DDX59: variants seen among roughly 807,000 people sequenced by gnomAD.
DDX59 encodes the protein probable ATP-dependent RNA helicase DDX59.
Under a neutral mutation model 51.9 loss-of-function variants are expected in DDX59, and 30 were observed. The ratio of observed to expected loss-of-function variants is 0.58; its 90% CI spans 0.43 to 0.78. The LOEUF (loss-of-function observed/expected upper bound fraction) is 0.78, where lower values mean the gene tolerates loss of function less well. DDX59 is among the 30% of genes least tolerant of loss of function. The pLI is 0.00. For missense variants in DDX59, 672 were observed against 730.8 expected, an observed-to-expected ratio of 0.92 and a Z score of 0.93; for synonymous variants, 255 against 253.3, an observed-to-expected ratio of 1.01 and a Z score of -0.06.
chr1:200,665,497 G>A (rs114238836), intron 2 of DDX59, among the ~76,000 whole-genome samples: 16,443 of 146,910 alleles, frequency 0.11, 1,421 homozygotes, highest in East Asian at 0.41. Flanking sequence ...AAAAGAAAAA[G>A]AAAAAGAAAA....
At chr1:200,654,235 A>C (rs1161007164) in intron 4 of DDX59, among the ~76,000 whole-genome samples, 3 of 152,086 alleles carry the variant, frequency 2.0e-5, no homozygotes, top group African/African-American at 4.8e-5. Flanking sequence ...AACACGGTGA[A>C]ATCTCATCTC....
rs1028326625 is a variant in DDX59 at position 200,645,404 on chromosome 1, A to C, written c.1597-887T>G. On this transcript the variant is annotated intron_variant, in intron 7 of 7. Coordinates refer to ENST00000331314, the MANE Select transcript of DDX59 (RefSeq NM_001031725.6). ...AGCAATTCTCTGCCTCAGCTTCCCAAGTAGCTGGGATTACAGGCACCCGCC... is the reference window on the plus strand; with the variant it reads ...AGCAATTCTCTGCCTCAGCTTCCCACGTAGCTGGGATTACAGGCACCCGCC... Among the ~76,000 whole-genome samples, 7 of 152,080 alleles carry C rather than the reference A, an allele frequency of 4.6e-5. No individual in the cohort carries two copies. In the East Asian group the frequency reaches 1.3e-3, roughly 29 times the overall value.
intron 4 of DDX59, among the ~76,000 whole-genome samples, chr1:200,652,187 C>T (rs1056345461): frequency 1.4e-4 from 22 of 151,840 alleles, no homozygotes; most frequent in African/African-American, 5.1e-4. Context: ...CAGGGTCTTG[C>T]TGTCGCACAG....
Position 200,666,006 on chromosome 1 carries a change from G to A in DDX59, c.735C>T (p.Ala245=), listed in dbSNP as rs2102928267. ...PVGLLGRDIL[A]SADTGSGKTA... is the part of the protein sequence containing the mutation. The stretch of plus-strand genomic sequence containing the variant: ...TTTTTCCTGAGCCAGTATCTGCACT[G>A]GCCAGAATGTCTCTTCCCAGAAGTC... Residue 245 remains alanine, a synonymous_variant, in exon 2 of 8, where the codon GCC becomes GCT. Transcript: ENST00000331314. 8.1e-6 allele frequency: 13 copies of A among 1,614,152 alleles called. No homozygotes were observed. The highest frequency in any genetic ancestry group is 9.3e-6 in the Non-Finnish European group (11 of 1,180,028).
Position 200,650,502 on chromosome 1 carries a change from G to A in DDX59, c.1237C>T (p.Pro413Ser), listed in dbSNP as rs1226457673. 1 of 1,614,046 alleles carries A rather than the reference G, an allele frequency of 6.2e-7. No homozygotes were observed. The highest frequency in any genetic ancestry group is 1.1e-5 in the South Asian group (1 of 91,082). Residue 413 changes from proline to serine, a missense_variant, in exon 5 of 8, where the codon CCT becomes TCT. Transcript: ENST00000331314. The part of the protein sequence containing the change: ...VRIITGEKNL[P>S]CANVRQIILW... ...ATAATCTGACGTACATTGGCACAAGGTAGGTTCTTTTCTCCAGTGATAATT... is the reference window on the plus strand; with the variant it reads ...ATAATCTGACGTACATTGGCACAAGATAGGTTCTTTTCTCCAGTGATAATT...
Position 200,664,099 on chromosome 1 carries a change from G to T in DDX59, c.805-13C>A. ...ATGGAGTTTTGCTCTGCAAAGATGT[G>T]AAAAACAAGTTTAAAAACACCAGCA... On this transcript the variant is annotated splice_polypyrimidine_tract_variant and intron_variant, in intron 2 of 7. Transcript: ENST00000331314. 1 of 1,601,136 alleles carries T rather than the reference G, an allele frequency of 6.2e-7. No homozygotes were observed. Among genetic ancestry groups the T allele is most frequent in the South Asian group, 1.1e-5 (1 of 88,470 alleles).
In DDX59 at chr1:200,649,109, C is replaced by T. The variant is rs1280427503; in HGVS notation, c.1432G>A (p.Glu478Lys). 1.3e-6 allele frequency: 2 copies of T among 1,571,380 alleles called. No individual in the cohort carries two copies. The highest frequency in any genetic ancestry group is 2.3e-5 in the East Asian group (1 of 43,946). Residue 478 changes from glutamate (E) to lysine (K), a missense_variant, in exon 6 of 8, where the codon GAG (glutamate) becomes AAG (lysine). Glu to Lys is a moderately conservative substitution (Grantham distance 56, BLOSUM62 1). Transcript: ENST00000331314. ...TGLKSISIHS[E>K]KSQIERKNIL... Reference sequence around the variant, plus strand: ...TTTTTCCTTTCTATTTGCGACTTCTCTGAATGTATAGATATGCTTTTCAGC... The same window carrying T: ...TTTTTCCTTTCTATTTGCGACTTCTTTGAATGTATAGATATGCTTTTCAGC...
chr1:200,663,963 A>G lies in DDX59; in HGVS notation c.928T>C (p.Leu310=). The G allele has an allele frequency of 6.2e-7, 1 of 1,614,170 alleles. No individual in the cohort carries two copies. The highest frequency in any genetic ancestry group is 1.1e-5 in the South Asian group (1 of 91,076). The change falls in exon 3 of 8, where the codon TTA becomes CTA. Residue 310 remains leucine, a synonymous_variant. Coordinates refer to ENST00000331314, the MANE Select transcript of DDX59 (RefSeq NM_001031725.6). ...CGATAAAGCTGTGGGGGTAAGGGTAAGCCCCCTACAAGAAGCACAGTTTTC... is the reference window on the plus strand; with the variant it reads ...CGATAAAGCTGTGGGGGTAAGGGTAGGCCCCCTACAAGAAGCACAGTTTTC... ...RMKTVLLVGG[L]PLPPQLYRLQ... is the part of the protein sequence containing the mutation.
chr1:200,658,957 A>C, intron 4 of DDX59, 70 bp downstream of exon 4: 1 of 1,319,898 alleles, frequency 7.6e-7, no homozygotes, highest in Non-Finnish European at 1.1e-6. Flanking sequence ...ACATACAATG[A>C]AATTATATAA....
At chr1:200,661,087 A>G (rs186919057) in intron 3 of DDX59, among the ~76,000 whole-genome samples, 1 of 152,332 alleles carries the variant, frequency 6.6e-6, no homozygotes, top group Non-Finnish European at 1.5e-5. Flanking sequence ...GGGGCAGGGA[A>G]AGAAAAATGT....
chr1:200,660,018 G>A (rs1662277867), intron 3 of DDX59, among the ~76,000 whole-genome samples: 1 of 152,088 alleles, frequency 6.6e-6, no homozygotes, highest in South Asian at 2.1e-4. Context: ...AAGGAAAAAT[G>A]CTTTAATACC....
At chr1:200,650,790 C>G (rs1661611104) in intron 4 of DDX59, 114 bp from the exon 5 acceptor site, 1 of 938,136 alleles carries the variant, frequency 1.1e-6, no homozygotes, top group Non-Finnish European at 1.5e-6. Flanking sequence ...AAATAGAAAA[C>G]TATACCACAA....
At chr1:200,664,174 T>A in intron 2 of DDX59, 88 bp from the exon 3 acceptor site, 5 of 1,442,070 alleles carry the variant, frequency 3.5e-6, no homozygotes, top group Admixed American at 2.2e-5. Context: ...TCCAGGAACA[T>A]GGCCCCTTTA....
rs776150281 is a variant in DDX59, at chr1:200,650,580, T to C, written c.1159A>G (p.Ile387Val). The change falls in exon 5 of 8, where the codon ATT (isoleucine) becomes GTT (valine). Residue 387 changes from isoleucine (I) to valine (V), a missense_variant. Physicochemically the swap from Ile to Val is conservative, Grantham distance 29 (BLOSUM62 3). Coordinates refer to ENST00000331314, the MANE Select transcript of DDX59 (RefSeq NM_001031725.6). Reference sequence around the variant, plus strand: ...GCTAGCTGTTCTATGCTAGTTGGAATTGTGGCTGAAACCAAAATGGTCTGA... The same window carrying C: ...GCTAGCTGTTCTATGCTAGTTGGAACTGTGGCTGAAACCAAAATGGTCTGA... Reference protein sequence around the residue: ...DCQTILVSATIPTSIEQLASQ... With the variant: ...DCQTILVSATVPTSIEQLASQ... 2 of 1,614,116 alleles carry C rather than the reference T, an allele frequency of 1.2e-6. No individual in the cohort carries two copies. Among genetic ancestry groups the C allele is most frequent in the Non-Finnish European group, 1.7e-6 (2 of 1,179,992 alleles).
chr1:200,653,274 TC>T (rs1157967103), intron 4 of DDX59, among the ~76,000 whole-genome samples: 1 of 152,138 alleles, frequency 6.6e-6, no homozygotes, highest in Non-Finnish European at 1.5e-5. Context: ...CCCCTCAAAT[TC>T]AACACATTCA....
intron 7 of DDX59, among the ~76,000 whole-genome samples, chr1:200,648,083 G>A (rs1179923377): frequency 6.7e-6 from 1 of 150,092 alleles, no homozygotes; most frequent in Non-Finnish European, 1.5e-5. Flanking sequence ...GAGTGCAGTG[G>A]CGTGATCTCG....
chr1:200,655,510 G>A (rs911264304), intron 4 of DDX59, among the ~76,000 whole-genome samples: 10 of 152,110 alleles, frequency 6.6e-5, no homozygotes, highest in African/African-American at 2.4e-4. Flanking sequence ...CTGCCTTCCT[G>A]TGCAGGCCCT....
intron 3 of DDX59, 136 bp from the exon 4 acceptor site, chr1:200,659,252 C>T: frequency 1.6e-6 from 1 of 630,966 alleles, no homozygotes; most frequent in Non-Finnish European, 2.8e-6. Context: ...ATAAGCCAGA[C>T]ATAGTCTCTG....
chr1:200,657,031 C>T lies in DDX59; in HGVS notation c.1062+1996G>A, dbSNP rs369212350. ...TTGGGAGGCTAAGGTGAGCAGATCA[C>T]TTGAGGCCAGGAATTTGAGACCAGC... On this transcript the variant is annotated intron_variant, in intron 4 of 7. Coordinates refer to ENST00000331314, the MANE Select transcript of DDX59 (RefSeq NM_001031725.6). 2.1e-3 allele frequency among the ~76,000 whole-genome samples: 319 copies of T among 152,248 alleles called. 2 individuals are homozygous for T. Among genetic ancestry groups the T allele is most frequent in the African/African-American group, 7.4e-3 (308 of 41,548 alleles).
Sources: gnomAD v4.1 joint callset for allele counts (sites outside exome capture counted in the v4.1 genomes callset) on GRCh38, gnomAD v4.1.1 for gene constraint, MANE v1.5 for transcripts, NCBI Gene and HGNC (gene_info 2026-07-23, HGNC 2026-07-21) for gene names.